PRKACB: variants seen among roughly 807,000 people sequenced by gnomAD.
The protein encoded by PRKACB is protein kinase cAMP-activated catalytic subunit beta, also known as cAMP-dependent protein kinase catalytic subunit beta.
Under a neutral mutation model 51.4 loss-of-function variants are expected in PRKACB, and 16 were observed. That is an observed-to-expected ratio of 0.31 (90% confidence interval 0.21 to 0.47). The LOEUF is 0.47. PRKACB is among the 20% of genes least tolerant of loss of function. PRKACB has a pLI of 1.00. For missense variants in PRKACB, 309 were observed against 464.5 expected, an observed-to-expected ratio of 0.67 and a Z score of 3.08; for synonymous variants, 147 against 154.4, an observed-to-expected ratio of 0.95 and a Z score of 0.35.
chr1:84,202,077 T>A lies in PRKACB; in HGVS notation c.784-606T>A, dbSNP rs192631906. On this transcript the variant is annotated intron_variant, in intron 7 of 9. Transcript: ENST00000370685. ...TAGATATAGGAAGCAAGACAGTAGA[T>A]AGCAGAAGTAAAGTATACCTAAATA... Among the ~76,000 whole-genome samples the A allele has an allele frequency of 7.0e-4, 107 of 152,218 alleles. 1 individual carries two copies. Among genetic ancestry groups the A allele is most frequent in the Non-Finnish European group, 1.3e-3 (85 of 67,956 alleles).
At chr1:84,106,111 C>T (rs1001383049) in intron 1 of PRKACB, among the ~76,000 whole-genome samples, 1 of 152,060 alleles carries the variant, frequency 6.6e-6, no homozygotes, top group Admixed American at 6.6e-5. Context: ...TGCCATTTGA[C>T]ATAAGGGACT....
At chr1:84,086,373 G>T in intron 1 of PRKACB, 1 of 606,652 alleles carries the variant, frequency 1.6e-6, no homozygotes, top group East Asian at 2.8e-5. Flanking sequence ...CTGCCCAGGG[G>T]CCATCAGAAG....
At chr1:84,197,908 T>A in intron 7 of PRKACB, 84 bp downstream of exon 7, 1 of 905,362 alleles carries the variant, frequency 1.1e-6, no homozygotes, top group Non-Finnish European at 1.7e-6. Context: ...TTTATTGATC[T>A]AATTTTACAT....
intron 1 of PRKACB, among the ~76,000 whole-genome samples, chr1:84,171,185 ATAGAGT>A (rs1364235857): frequency 6.6e-6 from 1 of 151,628 alleles, no homozygotes; most frequent in African/African-American, 2.4e-5. Context: ...AAAAGTGGAT[ATAGAGT>A]TAAATTTTAA....
intron 7 of PRKACB, among the ~76,000 whole-genome samples, chr1:84,200,979 A>AT (rs1236467116): frequency 3.3e-5 from 5 of 152,052 alleles, no homozygotes; most frequent in Non-Finnish European, 5.9e-5. Context: ...TTTATTTTTG[A>AT]TTTTTTTATT....
chr1:84,189,516 C>T (rs1666138849), intron 5 of PRKACB, among the ~76,000 whole-genome samples: 1 of 150,964 alleles, frequency 6.6e-6, no homozygotes, highest in South Asian at 2.1e-4. Context: ...AGTTATCAAC[C>T]CAGCCAAGCA....
intron 1 of PRKACB, among the ~76,000 whole-genome samples, chr1:84,130,769 A>T (rs1652106951): frequency 6.6e-6 from 1 of 152,226 alleles, no homozygotes; most frequent in Non-Finnish European, 1.5e-5. Context: ...GCTTTAAAAG[A>T]AATGCTAAGG....
At chr1:84,125,572 G>A (rs184182480) in intron 1 of PRKACB, among the ~76,000 whole-genome samples, 215 of 152,190 alleles carry the variant, frequency 1.4e-3, no homozygotes, top group African/African-American at 5.0e-3. Context: ...GAAATCCATC[G>A]GGAGTTTAGA....
chr1:84,132,809 T>A (rs1652374401), intron 1 of PRKACB, among the ~76,000 whole-genome samples: 1 of 151,802 alleles, frequency 6.6e-6, no homozygotes, highest in Admixed American at 6.6e-5. Flanking sequence ...AATAGGTCAA[T>A]AGGAACTCCC....
intron 1 of PRKACB, among the ~76,000 whole-genome samples, chr1:84,129,438 A>AT (rs1484412198): frequency 6.6e-6 from 1 of 152,156 alleles, no homozygotes; most frequent in African/African-American, 2.4e-5. Flanking sequence ...TAAAAATTAC[A>AT]TTTTTTAAAG....
At chr1:84,207,367 T>C (rs1469048501) in intron 8 of PRKACB, among the ~76,000 whole-genome samples, 1 of 152,200 alleles carries the variant, frequency 6.6e-6, no homozygotes, top group African/African-American at 2.4e-5. Context: ...TTTAATGTCT[T>C]AGCTCTTTCT....
intron 2 of PRKACB, 104 bp downstream of exon 2, chr1:84,179,342 G>A (rs1662428779): frequency 7.6e-7 from 1 of 1,309,118 alleles, no homozygotes. Flanking sequence ...TTTTCATGTG[G>A]TGTTAGTAAA....
intron 1 of PRKACB, among the ~76,000 whole-genome samples, chr1:84,112,049 A>T (rs1262090596): frequency 1.3e-5 from 2 of 152,152 alleles, no homozygotes; most frequent in Admixed American, 6.5e-5. Flanking sequence ...TATTAATAAG[A>T]AACCAATACT....
intron 8 of PRKACB, among the ~76,000 whole-genome samples, chr1:84,211,127 TCACACACACACACACA>T (rs3051185): frequency 6.7e-6 from 1 of 148,830 alleles, no homozygotes; most frequent in African/African-American, 2.5e-5. Context: ...CACTCCACTG[TCACACACACACACACA>T]CACACACACA....
chr1:84,223,274 C>G (rs1476055288), intron 9 of PRKACB, among the ~76,000 whole-genome samples: 1 of 151,756 alleles, frequency 6.6e-6, no homozygotes, highest in African/African-American at 2.4e-5. Flanking sequence ...ATTCTTCTCC[C>G]TGATATAGTC....
At chr1:84,190,238 CTTAT>C (rs1366149326) in intron 5 of PRKACB, among the ~76,000 whole-genome samples, 2 of 151,710 alleles carry the variant, frequency 1.3e-5, no homozygotes, top group Non-Finnish European at 2.9e-5. Flanking sequence ...AGTTTTTAAA[CTTAT>C]TTGTTATGGC....
rs1346194826 is a variant in PRKACB, at chr1:84,144,281, C to G, written c.-81C>G. 1 of 1,561,106 alleles carries G rather than the reference C, an allele frequency of 6.4e-7. No individual in the cohort carries two copies. The highest frequency in any genetic ancestry group is 1.4e-5 in the African/African-American group (1 of 71,966). On this transcript the variant is annotated 5_prime_UTR_variant, in exon 1 of 10. Coordinates refer to ENST00000370685, the MANE Select transcript of PRKACB (RefSeq NM_182948.4). ...AACAGGAAGTTTGACACATGCATAG[C>G]TCTTAGCTTCTGTGTAAGAAGTTGT...
intron 1 of PRKACB, among the ~76,000 whole-genome samples, chr1:84,088,709 C>A (rs1648216590): frequency 6.6e-6 from 1 of 152,086 alleles, no homozygotes; most frequent in African/African-American, 2.4e-5. Flanking sequence ...GAATGACAGG[C>A]AAAACATTCA....
chr1:84,152,613 G>A (rs1654979404), intron 1 of PRKACB, among the ~76,000 whole-genome samples: 1 of 152,136 alleles, frequency 6.6e-6, no homozygotes, highest in African/African-American at 2.4e-5. Context: ...GTTATAGAAA[G>A]GGCTTCTTTC....
Sources: gnomAD v4.1 joint callset for allele counts (sites outside exome capture counted in the v4.1 genomes callset) on GRCh38, gnomAD v4.1.1 for gene constraint, MANE v1.5 for transcripts, NCBI Gene and HGNC (gene_info 2026-07-23, HGNC 2026-07-21) for gene names.